GRM5: variants seen among roughly 807,000 people sequenced by gnomAD.
The protein encoded by GRM5 is glutamate metabotropic receptor 5.
In GRM5, 19 loss-of-function variants were observed where a neutral mutation model predicts 83.1. The ratio of observed to expected loss-of-function variants is 0.23; its 90% confidence interval spans 0.16 to 0.34. GRM5 has a LOEUF of 0.34. Among genes scored for constraint, GRM5 ranks in the 10% least tolerant of loss-of-function variants. The pLI is 1.00. For synonymous variants in GRM5, 675 were observed against 633.6 expected (o/e 1.07, Z -0.98); for missense variants, 1,160 against 1,588.3 (o/e 0.73, Z 4.58).
intron 2 of GRM5, among the ~76,000 whole-genome samples, chr11:88,871,760 C>T (rs1173122425): frequency 6.6e-6 from 1 of 151,322 alleles, no homozygotes; most frequent in African/African-American, 2.4e-5. Context: ...ACTGTGTGTA[C>T]TGAAAAGGAA....
At chr11:88,613,397 T>A (rs1264929332) in intron 4 of GRM5, among the ~76,000 whole-genome samples, 1 of 152,222 alleles carries the variant, frequency 6.6e-6, no homozygotes, top group Admixed American at 6.6e-5. Context: ...TGGATACATA[T>A]ACATTTAGGA....
intron 7 of GRM5, among the ~76,000 whole-genome samples, chr11:88,576,230 C>G (rs1277859873): frequency 6.6e-6 from 1 of 152,146 alleles, no homozygotes; most frequent in Non-Finnish European, 1.5e-5. Context: ...TCCAGATTCT[C>G]CTTGATGAGT....
chr11:88,840,981 C>T (rs1944188890), intron 3 of GRM5, among the ~76,000 whole-genome samples: 1 of 152,136 alleles, frequency 6.6e-6, no homozygotes, highest in African/African-American at 2.4e-5. Context: ...TCTTGTACAA[C>T]CAAAAGACTG....
At chr11:88,822,805 C>T (rs1943824657) in intron 3 of GRM5, among the ~76,000 whole-genome samples, 2 of 151,786 alleles carry the variant, frequency 1.3e-5, no homozygotes, top group Admixed American at 1.3e-4. Context: ...CCCTCCCTTC[C>T]TCCTTCTCTC....
intron 3 of GRM5, among the ~76,000 whole-genome samples, chr11:88,745,581 A>G (rs1942120664): frequency 6.6e-6 from 1 of 152,046 alleles, no homozygotes. Context: ...AGATCTTGTA[A>G]CTTCTATCTT....
chr11:88,515,935 T>TC (rs1057418703), intron 9 of GRM5, among the ~76,000 whole-genome samples: 2 of 152,212 alleles, frequency 1.3e-5, no homozygotes, highest in African/African-American at 4.8e-5. Context: ...GGTAATAGTT[T>TC]CCATTTTAAT....
At chr11:88,546,707 G>A (rs1444292117) in intron 8 of GRM5, among the ~76,000 whole-genome samples, 3 of 151,928 alleles carry the variant, frequency 2.0e-5, no homozygotes, top group African/African-American at 7.3e-5. Context: ...TTGATGCGTG[G>A]GGATAAATTT....
chr11:88,511,163 T>C (rs1941358395), intron 9 of GRM5, among the ~76,000 whole-genome samples: 1 of 152,162 alleles, frequency 6.6e-6, no homozygotes, highest in African/African-American at 2.4e-5. Context: ...AAGCACTTTG[T>C]TTCTCAGATT....
intron 9 of GRM5, chr11:88,512,090 A>T (rs1227499391): frequency 6.5e-6 from 1 of 152,678 alleles, no homozygotes; most frequent in Non-Finnish European, 1.5e-5. Flanking sequence ...ATAACTTTGG[A>T]TGTTAGCAGT....
At chr11:88,903,253 A>G (rs1222182362) in intron 2 of GRM5, among the ~76,000 whole-genome samples, 7 of 152,116 alleles carry the variant, frequency 4.6e-5, no homozygotes, top group African/African-American at 1.7e-4. Context: ...AGGATGTTTA[A>G]GAGGGAGAAT....
intron 2 of GRM5, among the ~76,000 whole-genome samples, chr11:88,863,866 C>A (rs1944612664): frequency 6.6e-6 from 1 of 151,520 alleles, no homozygotes; most frequent in Non-Finnish European, 1.5e-5. Flanking sequence ...AATAAAATAT[C>A]CTAAAATTCT....
intron 3 of GRM5, among the ~76,000 whole-genome samples, chr11:88,847,593 G>C (rs577245508): frequency 6.7e-6 from 1 of 150,366 alleles, no homozygotes; most frequent in South Asian, 2.1e-4. Context: ...TACTTTTAAA[G>C]AAAAAAAAAC....
chr11:88,798,196 T>A (rs1943319048), intron 3 of GRM5, among the ~76,000 whole-genome samples: 1 of 152,168 alleles, frequency 6.6e-6, no homozygotes, highest in South Asian at 2.1e-4. Flanking sequence ...TTGAGTGATA[T>A]TTAGCTTTGA....
At chr11:88,855,104 C>G (rs1458374564) in intron 2 of GRM5, among the ~76,000 whole-genome samples, 1 of 151,740 alleles carries the variant, frequency 6.6e-6, no homozygotes, top group Non-Finnish European at 1.5e-5. Flanking sequence ...TCATTAGAAT[C>G]AAAACCAAAC....
chr11:88,703,388 A>ATGCT (rs1941080662), intron 3 of GRM5, among the ~76,000 whole-genome samples: 1 of 151,602 alleles, frequency 6.6e-6, no homozygotes, highest in Non-Finnish European at 1.5e-5. Context: ...CACCTGAGGG[A>ATGCT]TGGTATGTAG....
In GRM5 at chr11:88,687,420, T is replaced by C. The variant is rs574958354; in HGVS notation, c.912-34017A>G. ...TGAACCCGGGAGGCGGAGCTTGCAG[T>C]GAGCCGAGATCGCTTCACTGCACTC... is the stretch of plus-strand genomic sequence containing the variant. On this transcript the variant is annotated intron_variant, in intron 3 of 9. Coordinates refer to ENST00000305447, the MANE Select transcript of GRM5 (RefSeq NM_001143831.3). 9.0e-4 allele frequency among the ~76,000 whole-genome samples: 127 copies of C among 141,762 alleles called. No homozygotes were observed. In the Middle Eastern group the frequency reaches 0.014, roughly 16 times the overall value. The allele number at this position is 141,762 out of a possible 152,430, so 93.0% of individuals were successfully genotyped here. A position where few individuals can be genotyped will look rare whatever the true frequency, so the allele number is the denominator to read the frequency against.
intron 9 of GRM5, among the ~76,000 whole-genome samples, chr11:88,514,346 A>G (rs1941467996): frequency 6.6e-6 from 1 of 152,082 alleles, no homozygotes; most frequent in East Asian, 1.9e-4. Flanking sequence ...GACACTTTCT[A>G]TCTTTATTCT....
intron 3 of GRM5, among the ~76,000 whole-genome samples, chr11:88,665,440 G>A (rs183958448): frequency 9.4e-4 from 143 of 152,098 alleles, no homozygotes; most frequent in Admixed American, 7.3e-3. Flanking sequence ...GAGGCAACAT[G>A]TTTTTCCTGG....
At chr11:88,611,260 T>G (rs2135241338) in intron 4 of GRM5, among the ~76,000 whole-genome samples, 1 of 152,264 alleles carries the variant, frequency 6.6e-6, no homozygotes, top group African/African-American at 2.4e-5. Context: ...ACCTTCTCCT[T>G]GTATTTTTGG....
Sources: gnomAD v4.1 joint callset for allele counts (sites outside exome capture counted in the v4.1 genomes callset) on GRCh38, gnomAD v4.1.1 for gene constraint, MANE v1.5 for transcripts, NCBI Gene and HGNC (gene_info 2026-07-23, HGNC 2026-07-21) for gene names.